The following CSRP2 variants were observed in gnomAD, a reference collection of about 807,000 sequenced individuals.
The protein encoded by CSRP2 is cysteine and glycine-rich protein 2.
CSRP2 carries 18 observed loss-of-function variants against 24.6 expected under a neutral mutation model. The ratio of observed to expected loss-of-function variants is 0.73; its 90% confidence interval spans 0.51 to 1.09. CSRP2 has a LOEUF of 1.09. Ranked by LOEUF, CSRP2 falls within the 50% of genes least tolerant of loss-of-function variation. The pLI, the probability that CSRP2 is intolerant of heterozygous loss-of-function variation, is 0.00. For synonymous variants in CSRP2, 87 were observed against 84.3 expected, an observed-to-expected ratio of 1.03 and a Z score of -0.18; for missense variants, 215 against 239.4, an observed-to-expected ratio of 0.90 and a Z score of 0.67.
intron 2 of CSRP2, chr12:76,864,444 C>T (rs1953713865): frequency 6.6e-6 from 1 of 151,912 alleles, no homozygotes; most frequent in South Asian, 2.1e-4. Context: ...TGTCAACAAT[C>T]ATTGTACATT....
intron 3 of CSRP2, chr12:76,862,772 TAGA>T: frequency 2.2e-6 from 3 of 1,390,118 alleles, no homozygotes; most frequent in South Asian, 1.7e-5. Flanking sequence ...AATGTTTACA[TAGA>T]AGGAGTGACT....
intron 3 of CSRP2, 135 bp downstream of exon 3, chr12:76,863,041 A>G: frequency 6.9e-7 from 1 of 1,440,740 alleles, no homozygotes. Flanking sequence ...GAACTAGTTG[A>G]CATTAGAAAA....
At chr12:76,867,152 C>T (rs1953743749) in intron 1 of CSRP2, among the ~76,000 whole-genome samples, 1 of 152,020 alleles carries the variant, frequency 6.6e-6, no homozygotes, top group South Asian at 2.1e-4. Context: ...AACATTTTCT[C>T]GTCTCCCTTC....
At position 76,866,262 on chromosome 12, in the gene CSRP2, C is replaced by G. The variant is rs780086006; in HGVS notation, c.-1-1G>C. The G allele has an allele frequency of 3.1e-5, 50 of 1,611,864 alleles. No homozygotes were observed. Among genetic ancestry groups the G allele is most frequent in the Non-Finnish European group, 4.1e-5 (48 of 1,178,122 alleles). On this transcript the variant is annotated splice_acceptor_variant, in intron 1 of 5. Coordinates refer to ENST00000311083, the MANE Select transcript of CSRP2 (RefSeq NM_001321.3). LOFTEE classifies it low-confidence loss of function (5UTR_SPLICE). ...GTTTCCACCTCCCCAGACAGGCATT[C>G]TGAAGGAATAAAGGATTCATTAGAA...
chr12:76,871,854 A>G (rs1953803911), intron 1 of CSRP2, among the ~76,000 whole-genome samples: 1 of 151,996 alleles, frequency 6.6e-6, no homozygotes, highest in Admixed American at 6.6e-5. Flanking sequence ...GGCTGGAAGA[A>G]GTATGATGAT....
rs1953644685 is a variant in CSRP2 at position 76,858,744 on chromosome 12, A to G, written c.*208T>C. 1 of 417,840 alleles carries G rather than the reference A, an allele frequency of 2.4e-6. No individual in the cohort carries two copies. The highest frequency in any genetic ancestry group is 6.3e-5 in the South Asian group (1 of 15,970). The allele number at this position is 417,840 out of a possible 1,614,324, so 25.9% of individuals were successfully genotyped here. A position where few individuals can be genotyped will look rare whatever the true frequency, so the allele number is the denominator to read the frequency against. On this transcript the variant is annotated 3_prime_UTR_variant, in exon 6 of 6. Transcript: ENST00000311083. ...GCTGAAGTTTTATTTAAAATGTAAA[A>G]GAAATGTTCCCCCAAAATGCTGGTG... is the stretch of plus-strand genomic sequence containing the variant.
intron 1 of CSRP2, among the ~76,000 whole-genome samples, chr12:76,876,042 T>C (rs966738930): frequency 6.6e-5 from 10 of 152,216 alleles, no homozygotes; most frequent in Admixed American, 3.9e-4. Context: ...CCGACCTCCA[T>C]GGCTATGGCA....
intron 1 of CSRP2, among the ~76,000 whole-genome samples, chr12:76,877,886 G>C (rs1953866430): frequency 6.6e-6 from 1 of 152,120 alleles, no homozygotes; most frequent in African/African-American, 2.4e-5. Context: ...TTTTAAAACA[G>C]GTTAATTGGA....
Position 76,860,165 on chromosome 12 carries a change from A to C in CSRP2, c.411+119T>G, listed in dbSNP as rs1315843239. On this transcript the variant is annotated intron_variant, in intron 4 of 5. Coordinates refer to ENST00000311083, the MANE Select transcript of CSRP2 (RefSeq NM_001321.3). ...TCTGATGGAAATGCATTTAAAGAAA[A>C]GTTTCATATAAGACAGTGATTTGTA... The C allele has an allele frequency of 2.8e-6, 3 of 1,065,006 alleles. No individual in the cohort carries two copies. The East Asian group carries it at 7.5e-5, about 26-fold the overall frequency. The allele number at this position is 1,065,006 out of a possible 1,614,324, so 66.0% of individuals were successfully genotyped here.
chr12:76,874,602 T>C (rs549240159), intron 1 of CSRP2, among the ~76,000 whole-genome samples: 2 of 152,294 alleles, frequency 1.3e-5, no homozygotes, highest in South Asian at 4.1e-4. Flanking sequence ...GGTCAAGGGT[T>C]CCAACCCCCA....
chr12:76,871,979 G>C (rs1953804989), intron 1 of CSRP2, among the ~76,000 whole-genome samples: 1 of 151,720 alleles, frequency 6.6e-6, no homozygotes, highest in Non-Finnish European at 1.5e-5. Context: ...ATTAATCACA[G>C]CAAACTGGAT....
At chr12:76,878,660 GATT>G (rs1474114748) in intron 1 of CSRP2, among the ~76,000 whole-genome samples, 5 of 152,238 alleles carry the variant, frequency 3.3e-5, no homozygotes, top group Non-Finnish European at 7.3e-5. Context: ...GGTCATATAA[GATT>G]ATTTACCTGC....
Position 76,859,043 on chromosome 12 carries a change from G to C in CSRP2, c.506-15C>G. The C allele has an allele frequency of 6.2e-7, 1 of 1,612,998 alleles. No individual in the cohort carries two copies. The highest frequency in any genetic ancestry group is 8.5e-7 in the Non-Finnish European group (1 of 1,178,954). Reference sequence around the variant, plus strand: ...TGCATAGCATCCTACAAAGGAAAGGGAGGAAGGATAGTTAGTGCAAGTCCA... The same window carrying C: ...TGCATAGCATCCTACAAAGGAAAGGCAGGAAGGATAGTTAGTGCAAGTCCA... On this transcript the variant is annotated splice_polypyrimidine_tract_variant and intron_variant, in intron 5 of 5. Transcript: ENST00000311083.
chr12:76,866,697 TTTAA>T (rs1366768413), intron 1 of CSRP2, among the ~76,000 whole-genome samples: 2 of 152,228 alleles, frequency 1.3e-5, no homozygotes, highest in African/African-American at 2.4e-5. Flanking sequence ...TCATTACATG[TTTAA>T]TTAATTGTAA....
intron 3 of CSRP2, chr12:76,861,568 G>A (rs1233017152): frequency 6.6e-6 from 1 of 151,966 alleles, no homozygotes; most frequent in Non-Finnish European, 1.5e-5. Context: ...AGATGGAAAA[G>A]GAGAGCAGAA....
chr12:76,869,529 A>AACACACGCAC (rs1555192081), intron 1 of CSRP2, among the ~76,000 whole-genome samples: 2 of 135,330 alleles, frequency 1.5e-5, no homozygotes, highest in South Asian at 5.2e-4. Flanking sequence ...TAAAACAAAC[A>AACACACGCAC]ACACACACAC....
chr12:76,863,472 G>A (rs1350505119), intron 2 of CSRP2, 128 bp from the exon 3 acceptor site: 1 of 920,324 alleles, frequency 1.1e-6, no homozygotes, highest in Non-Finnish European at 1.6e-6. Flanking sequence ...GGTTTATCCT[G>A]TGGCTTCCCA....
At position 76,866,103 on chromosome 12, in the gene CSRP2, T is replaced by C. The variant is rs1011657070; in HGVS notation, c.112+46A>G. 5 of 1,433,050 alleles carry C rather than the reference T, an allele frequency of 3.5e-6. No homozygotes were observed. In the Admixed American group the frequency reaches 5.3e-5, roughly 15 times the overall value. The allele number at this position is 1,433,050 out of a possible 1,614,324, so 88.8% of individuals were successfully genotyped here. A position where few individuals can be genotyped will look rare whatever the true frequency, so the allele number is the denominator to read the frequency against. On this transcript the variant is annotated intron_variant, in intron 2 of 5. Coordinates refer to ENST00000311083, the MANE Select transcript of CSRP2 (RefSeq NM_001321.3). ...TCCTTAAATAGACATATTGAAGCTC[T>C]GTACATACAAATTCCGTCAAAGGTG...
At chr12:76,877,017 A>G (rs1253520959) in intron 1 of CSRP2, among the ~76,000 whole-genome samples, 1 of 152,256 alleles carries the variant, frequency 6.6e-6, no homozygotes, top group Non-Finnish European at 1.5e-5. Context: ...ACCAATGGGT[A>G]CTGGAGTTGA....
Sources: gnomAD v4.1 joint callset for allele counts (sites outside exome capture counted in the v4.1 genomes callset) on GRCh38, gnomAD v4.1.1 for gene constraint, MANE v1.5 for transcripts, NCBI Gene and HGNC (gene_info 2026-07-23, HGNC 2026-07-21) for gene names.